CARMIL1: variants seen among roughly 807,000 people sequenced by gnomAD.
CARMIL1 encodes capping protein regulator and myosin 1 linker 1, also known as F-actin-uncapping protein LRRC16A.
CARMIL1 carries 90 observed loss-of-function variants against 177.1 expected under a neutral mutation model. That is an observed-to-expected ratio of 0.51 (90% confidence interval 0.43 to 0.61). The LOEUF (loss-of-function observed/expected upper bound fraction) is 0.61, where lower values mean the gene tolerates loss of function less well. Ranked by LOEUF, CARMIL1 falls within the 20% of genes least tolerant of loss-of-function variation. The probability of loss-of-function intolerance (pLI) is 0.00; values close to 1 mark genes in which losing one functional copy is unlikely to be tolerated. For missense variants in CARMIL1, 1,380 were observed against 1,667.0 expected, an observed-to-expected ratio of 0.83 and a Z score of 3.00; for synonymous variants, 577 against 606.2, an observed-to-expected ratio of 0.95 and a Z score of 0.71.
intron 2 of CARMIL1, among the ~76,000 whole-genome samples, chr6:25,376,551 C>T (rs1488055643): frequency 6.6e-6 from 1 of 152,134 alleles, no homozygotes; most frequent in Non-Finnish European, 1.5e-5. Flanking sequence ...CTGTGTATGA[C>T]TTCCTTGGTT....
At chr6:25,327,614 A>C (rs1373184857) in intron 2 of CARMIL1, among the ~76,000 whole-genome samples, 1 of 152,210 alleles carries the variant, frequency 6.6e-6, no homozygotes, top group Non-Finnish European at 1.5e-5. Flanking sequence ...GTAGTCCTGA[A>C]AAGGAGTAGC....
intron 5 of CARMIL1, among the ~76,000 whole-genome samples, chr6:25,441,351 GTGTGTGTGTGTGTGTGTGTGTCTA>G (rs1797761543): frequency 3.7e-5 from 5 of 133,522 alleles, no homozygotes; most frequent in African/African-American, 1.4e-4. Flanking sequence ...GTGTGTGTGT[GTGTGTGTGTGTGTGTGTGTGTCTA>G]TGTGTGTGTG....
chr6:25,487,018 A>G (rs1338662943), intron 12 of CARMIL1, among the ~76,000 whole-genome samples: 1 of 152,204 alleles, frequency 6.6e-6, no homozygotes, highest in African/African-American at 2.4e-5. Context: ...TGGTGAGTTG[A>G]CAGCCAAGAA....
chr6:25,509,735 A>G lies in CARMIL1; in HGVS notation c.1475A>G (p.Asn492Ser). The change falls in exon 18 of 37, where the codon AAT becomes AGT. Residue 492 changes from asparagine (N) to serine (S), a missense_variant and splice_region_variant. Physicochemically the swap from Asn to Ser is conservative, Grantham distance 46. Coordinates refer to ENST00000329474, the MANE Select transcript of CARMIL1 (RefSeq NM_017640.6). The surrounding 1 kb of genome is among the most constrained non-coding windows in gnomAD (Gnocchi z 4.1). ...HNITSLDISD[N>S]GLESDLSTLI... The stretch of plus-strand genomic sequence containing the variant: ...ATCACCAGCTTAGACATCTCTGACA[A>G]TGGTAAGTCAGATATTGAAAAGAAA... The G allele has an allele frequency of 1.3e-6, 2 of 1,580,616 alleles. No individual in the cohort carries two copies. Among genetic ancestry groups the G allele is most frequent in the Non-Finnish European group, 1.7e-6 (2 of 1,158,910 alleles).
At chr6:25,514,921 C>A (rs1284792638) in intron 20 of CARMIL1, among the ~76,000 whole-genome samples, 6 of 136,744 alleles carry the variant, frequency 4.4e-5, no homozygotes, top group Non-Finnish European at 7.9e-5. Context: ...CAGAGCGAGA[C>A]CCTGTCTCAA....
rs1193478540 is a variant in CARMIL1 at position 25,577,448 on chromosome 6, TA to T, written c.2743-3475del. ...TAATCTTCTTCTCAGCTGGTATTGT[TA>T]TTTTTTTTTTCTTTCTACAGCCTTG... On this transcript the variant is annotated intron_variant, in intron 29 of 36. Coordinates refer to ENST00000329474, the MANE Select transcript of CARMIL1 (RefSeq NM_017640.6). This position sits in a 1 kb window ranked among gnomAD's most constrained non-coding sequence, Gnocchi z 4.5. Among the ~76,000 whole-genome samples the T allele has an allele frequency of 2.6e-5, 4 of 152,130 alleles. No individual in the cohort carries two copies. Among genetic ancestry groups the T allele is most frequent in the Non-Finnish European group, 5.9e-5 (4 of 68,026 alleles).
intron 2 of CARMIL1, among the ~76,000 whole-genome samples, chr6:25,288,089 C>T (rs1264520079): frequency 6.6e-6 from 1 of 152,098 alleles, no homozygotes; most frequent in African/African-American, 2.4e-5. Context: ...AGAGGAACTC[C>T]CAACTCAGGC....
At chr6:25,280,231 A>G (rs1184336848) in intron 1 of CARMIL1, among the ~76,000 whole-genome samples, 1 of 150,244 alleles carries the variant, frequency 6.7e-6, no homozygotes, top group East Asian at 1.9e-4. Context: ...AACTCGGGAA[A>G]GTCCGGGAAA....
chr6:25,467,235 C>T (rs1299615937), intron 9 of CARMIL1, among the ~76,000 whole-genome samples: 1 of 152,148 alleles, frequency 6.6e-6, no homozygotes, highest in Non-Finnish European at 1.5e-5. Flanking sequence ...AGGGAGCAGA[C>T]AGGTAGCCAT....
chr6:25,307,643 G>A (rs1783381295), intron 2 of CARMIL1, among the ~76,000 whole-genome samples: 1 of 152,196 alleles, frequency 6.6e-6, no homozygotes, highest in African/African-American at 2.4e-5. Context: ...AAAAATAAAT[G>A]TTAGATGTAG....
intron 17 of CARMIL1, among the ~76,000 whole-genome samples, chr6:25,508,887 C>CA (rs997078417): frequency 1.6e-4 from 24 of 152,104 alleles, no homozygotes; most frequent in African/African-American, 5.1e-4. Flanking sequence ...ATGAAAAACA[C>CA]AGAGATATTA....
intron 2 of CARMIL1, among the ~76,000 whole-genome samples, chr6:25,322,112 G>T (rs986048197): frequency 1.3e-5 from 2 of 151,660 alleles, no homozygotes; most frequent in Non-Finnish European, 2.9e-5. Context: ...TAACTTTAAA[G>T]AAATCTGGTG....
intron 26 of CARMIL1, among the ~76,000 whole-genome samples, chr6:25,545,759 A>C (rs550118739): frequency 6.6e-6 from 1 of 152,302 alleles, no homozygotes; most frequent in South Asian, 2.1e-4. Flanking sequence ...AAAGATAACT[A>C]AAAAAGAGCC....
intron 31 of CARMIL1, among the ~76,000 whole-genome samples, chr6:25,591,978 T>C (rs1464658004): frequency 6.6e-6 from 1 of 152,212 alleles, no homozygotes; most frequent in Non-Finnish European, 1.5e-5. Flanking sequence ...CTGTGACTTC[T>C]GTTTCCAAGC....
At chr6:25,340,469 T>C (rs1488244578) in intron 2 of CARMIL1, among the ~76,000 whole-genome samples, 2 of 152,236 alleles carry the variant, frequency 1.3e-5, no homozygotes, top group Non-Finnish European at 2.9e-5. Flanking sequence ...TTGCTTTTGG[T>C]TGGAGGCCAA....
In CARMIL1 at chr6:25,555,464, G is replaced by A. The variant is rs553301672; in HGVS notation, c.2593-1237G>A. Among the ~76,000 whole-genome samples the A allele has an allele frequency of 1.3e-4, 20 of 152,178 alleles. No individual in the cohort carries two copies. In the East Asian group the frequency reaches 2.9e-3, roughly 22 times the overall value. On this transcript the variant is annotated intron_variant, in intron 28 of 36. Coordinates refer to ENST00000329474, the MANE Select transcript of CARMIL1 (RefSeq NM_017640.6). ...CACTCAGGCCAGAGTGCAGTGGTGC[G>A]ATCTTGGCTCACTGCAACCTCTGCC...
Position 25,520,229 on chromosome 6 carries a change from T to G in CARMIL1, c.1875-15T>G. On this transcript the variant is annotated splice_polypyrimidine_tract_variant and intron_variant, in intron 22 of 36. Transcript: ENST00000329474. ...GTTATTTTTAAATAAGTATATTATT[T>G]TCTCCTTTTTCTAGGAACTACACAT... The G allele has an allele frequency of 8.1e-7, 1 of 1,240,678 alleles. No individual in the cohort carries two copies. The highest frequency in any genetic ancestry group is 2.4e-5 in the Admixed American group (1 of 41,944). 76.9% of individuals were successfully genotyped at this position (1,240,678 alleles called of 1,614,324 possible). A position where few individuals can be genotyped will look rare whatever the true frequency, so the allele number is the denominator to read the frequency against.
chr6:25,459,268 T>TCCTTCCTTCCTTCCTTCC (rs1554200898), intron 8 of CARMIL1, among the ~76,000 whole-genome samples: 2 of 121,194 alleles, frequency 1.7e-5, no homozygotes, highest in Non-Finnish European at 3.5e-5. Flanking sequence ...CTTTCTTTCT[T>TCCTTCCTTCCTTCCTTCC]TTTTTTTTTT....
chr6:25,517,541 T>C, intron 22 of CARMIL1, 126 bp downstream of exon 22: 2 of 677,344 alleles, frequency 3.0e-6, no homozygotes, highest in East Asian at 2.8e-5. Flanking sequence ...CTGAATTTAG[T>C]CTACAGCTAA....
Sources: gnomAD v4.1 joint callset for allele counts (sites outside exome capture counted in the v4.1 genomes callset) on GRCh38, gnomAD v4.1.1 for gene constraint, Gnocchi (gnomAD v3.1) non-coding constraint, MANE v1.5 for transcripts, NCBI Gene and HGNC (gene_info 2026-07-23, HGNC 2026-07-21) for gene names.